The following TMEM235 variants were observed in gnomAD, a reference collection of about 807,000 sequenced individuals.
The protein encoded by TMEM235 is claudin-27.
A neutral mutation model predicts 22.9 loss-of-function variants in TMEM235; 23 were observed. The observed-to-expected ratio is 1.00, with a 90% confidence interval of 0.72 to 1.42. TMEM235 has a LOEUF of 1.42. TMEM235 is among the 40% of genes most tolerant of loss of function. TMEM235 has a pLI of 0.00. For missense variants in TMEM235, 308 were observed against 299.5 expected (o/e 1.03, Z -0.21); for synonymous variants, 137 against 140.5 (o/e 0.98, Z 0.17).
At chr17:78,231,919 G>A (rs764749584) in exon 2 of TMEM235, 40 of 991,208 alleles carry the variant, frequency 4.0e-5, no homozygotes, top group East Asian at 1.1e-4. Flanking sequence ...GCCGGGCGCC[G>A]CCGCGCCCGC....
At chr17:78,233,704 A>AG (rs1017042416) in intron 2 of TMEM235, among the ~76,000 whole-genome samples, 191 bp from the exon 2 acceptor site, 14 of 151,482 alleles carry the variant, frequency 9.2e-5, no homozygotes, top group Non-Finnish European at 1.8e-4. Flanking sequence ...TCAAAAAAAA[A>AG]AAAAAGAAAA....
chr17:78,235,324 G>A (rs1249644700), intron 4 of TMEM235, among the ~76,000 whole-genome samples: 2 of 150,830 alleles, frequency 1.3e-5, no homozygotes, highest in African/African-American at 4.9e-5. Context: ...TTTCGCTCTT[G>A]TTGCCCAGGC....
At position 78,239,106 on chromosome 17, in the gene TMEM235, G is replaced by GCAGCACATGCAGGGCGTCCGCGT; in HGVS notation, c.497_519dup (p.Phe174ThrfsTer39). 2 of 1,543,862 alleles carry GCAGCACATGCAGGGCGTCCGCGT rather than the reference G, an allele frequency of 1.3e-6. No individual in the cohort carries two copies. The highest frequency in any genetic ancestry group is 2.7e-5 in the African/African-American group (2 of 73,186). Reference sequence around the variant, plus strand: ...CGGAGACGGTGCAGCAGTATGGCCCGCAGCACATGCAGGGCGTCCGCGTCA... The same window carrying GCAGCACATGCAGGGCGTCCGCGT: ...CGGAGACGGTGCAGCAGTATGGCCCGCAGCACATGCAGGGCGTCCGCGTCAGCACATGCAGGGCGTCCGCGTCA... On this transcript the variant is annotated frameshift_variant, in exon 5 of 6. Coordinates refer to ENST00000421688, the Ensembl canonical transcript of TMEM235. LOFTEE classifies it high-confidence loss of function.
chr17:78,232,549 C>T (rs9907137), intron 2 of TMEM235, among the ~76,000 whole-genome samples: 47,470 of 152,140 alleles, frequency 0.31, 7,502 homozygotes, highest in East Asian at 0.36. Context: ...TGATCACGCT[C>T]CCCGGGGTTT....
Position 78,238,909 on chromosome 17 carries a change from G to C in TMEM235, c.410-115G>C. On this transcript the variant is annotated intron_variant, in intron 4 of 5. Coordinates refer to ENST00000421688, the Ensembl canonical transcript of TMEM235. This position sits in a 1 kb window ranked among gnomAD's most constrained non-coding sequence, Gnocchi z 4.3. ...CAGGAAGGGCGGTGTGCTGCCTGCA[G>C]CTCTGCCTGAATGCTAGCGGGGCCG... is the stretch of plus-strand genomic sequence containing the variant. The C allele has an allele frequency of 1.4e-6, 2 of 1,433,056 alleles. No homozygotes were observed. The highest frequency in any genetic ancestry group is 1.8e-6 in the Non-Finnish European group (2 of 1,083,248). The allele number at this position is 1,433,056 out of a possible 1,614,324, so 88.8% of individuals were successfully genotyped here. A position where few individuals can be genotyped will look rare whatever the true frequency, so the allele number is the denominator to read the frequency against.
intron 5 of TMEM235, 36 bp from the exon 5 acceptor site, chr17:78,239,744 G>A (rs1454146913): frequency 5.9e-6 from 9 of 1,524,294 alleles, no homozygotes; most frequent in Non-Finnish European, 8.0e-6. Context: ...CCCCGCAATG[G>A]CCCTACTCAA....
Position 78,238,736 on chromosome 17 carries a change from G to A in TMEM235, c.410-288G>A, listed in dbSNP as rs548009123. Among the ~76,000 whole-genome samples, 1 of 151,878 alleles carries A rather than the reference G, an allele frequency of 6.6e-6. No individual in the cohort carries two copies. The highest frequency in any genetic ancestry group is 1.5e-5 in the Non-Finnish European group (1 of 67,962). Reference sequence around the variant, plus strand: ...TTTGCAGGAGGCTTTATGGGATGAGGTCTCTGAGGTTTGAGGACTGAATTG... The same window carrying A: ...TTTGCAGGAGGCTTTATGGGATGAGATCTCTGAGGTTTGAGGACTGAATTG... On this transcript the variant is annotated intron_variant, in intron 4 of 5. Transcript: ENST00000421688. The surrounding 1 kb of genome is among the most constrained non-coding windows in gnomAD (Gnocchi z 4.3).
At chr17:78,231,473 G>C in exon 2 of TMEM235, 1 of 1,303,426 alleles carries the variant, frequency 7.7e-7, no homozygotes, top group Non-Finnish European at 1.0e-6. Context: ...CACTTCACCG[G>C]ATGCCGTCTG....
chr17:78,239,872 C>A, exon 6 of TMEM235: 5 of 1,551,542 alleles, frequency 3.2e-6, no homozygotes, highest in Non-Finnish European at 4.4e-6. Context: ...TCCCTGGCCT[C>A]TGTTCTGTCC....
In TMEM235 at chr17:78,237,334, G is replaced by A. The variant is rs1482689228; in HGVS notation, c.410-1690G>A. The stretch of plus-strand genomic sequence containing the variant: ...GCCCTTCCCTGAGACAGGATCTTGG[G>A]GGGCCTGGGGGACCGACAGGGCCCA... On this transcript the variant is annotated intron_variant, in intron 4 of 5. Transcript: ENST00000421688. The surrounding 1 kb of genome is among the most constrained non-coding windows in gnomAD (Gnocchi z 4.7). Among the ~76,000 whole-genome samples, 6 of 152,198 alleles carry A rather than the reference G, an allele frequency of 3.9e-5. No individual in the cohort carries two copies. Among genetic ancestry groups the A allele is most frequent in the Admixed American group, 3.3e-4 (5 of 15,280 alleles).
chr17:78,236,429 G>A (rs1039337339), intron 4 of TMEM235, among the ~76,000 whole-genome samples: 4 of 152,210 alleles, frequency 2.6e-5, no homozygotes, highest in African/African-American at 4.8e-5. Flanking sequence ...ATCCACTGAC[G>A]CGGCTCCAGC....
intron 2 of TMEM235, among the ~76,000 whole-genome samples, 183 bp downstream of exon 1, chr17:78,232,396 A>C (rs1215153153): frequency 6.6e-6 from 1 of 151,988 alleles, no homozygotes; most frequent in Non-Finnish European, 1.5e-5. Flanking sequence ...CCCAAAACTG[A>C]CAGCCCAAGG....
chr17:78,239,038 G>GTC lies in TMEM235; in HGVS notation c.424_425insTC (p.Ala142ValfsTer64), dbSNP rs1444938724. ...CTCTCCCCCAGGTGTCCTGACACTG[G>GTC]CGGGGGTCAGCATCTACATCAGCTA... On this transcript the variant is annotated frameshift_variant, in exon 5 of 6. Transcript: ENST00000421688. LOFTEE classifies it high-confidence loss of function. 1 of 1,540,830 alleles carries GTC rather than the reference G, an allele frequency of 6.5e-7. No individual in the cohort carries two copies. Among genetic ancestry groups the GTC allele is most frequent in the African/African-American group, 1.4e-5 (1 of 73,012 alleles).
chr17:78,234,348 G>A (rs1221509058), intron 3 of TMEM235: 1 of 713,148 alleles, frequency 1.4e-6, no homozygotes, highest in East Asian at 2.7e-5. Flanking sequence ...CCACCTGGCG[G>A]GTTGGGGGAC....
At chr17:78,234,986 G>C (rs935467492) in intron 4 of TMEM235, among the ~76,000 whole-genome samples, 1 of 152,258 alleles carries the variant, frequency 6.6e-6, no homozygotes, top group Non-Finnish European at 1.5e-5. Context: ...CGGGAGCAGT[G>C]GCTCATGCCT....
exon 2 of TMEM235, chr17:78,231,978 C>G (rs2076585877): frequency 1.8e-6 from 2 of 1,101,022 alleles, no homozygotes; most frequent in Non-Finnish European, 1.1e-6. Context: ...CCGCCGCCCC[C>G]GGGGCCCTGC....
intron 3 of TMEM235, 113 bp from the exon 3 acceptor site, chr17:78,234,480 G>A: frequency 2.8e-6 from 4 of 1,448,906 alleles, no homozygotes; most frequent in Non-Finnish European, 3.7e-6. Context: ...CACAGAGATG[G>A]GCGTCAGCCG....
chr17:78,239,192 C>A (rs2076681009), exon 5 of TMEM235: 3 of 1,543,258 alleles, frequency 1.9e-6, no homozygotes, highest in East Asian at 2.4e-5. Flanking sequence ...TTCAGCGGAA[C>A]CCTCCTGCTC....
exon 4 of TMEM235, chr17:78,234,724 C>T (rs1405970969): frequency 1.3e-6 from 2 of 1,536,150 alleles, no homozygotes; most frequent in African/African-American, 1.4e-5. Flanking sequence ...CTACTTCCTG[C>T]TGGGGAGTGA....
Sources: gnomAD v4.1 joint callset for allele counts (sites outside exome capture counted in the v4.1 genomes callset) on GRCh38, gnomAD v4.1.1 for gene constraint, Gnocchi (gnomAD v3.1) non-coding constraint, MANE v1.5 for transcripts, NCBI Gene and HGNC (gene_info 2026-07-23, HGNC 2026-07-21) for gene names.